CAMSAP3: variants seen among roughly 807,000 people sequenced by gnomAD.
The protein encoded by CAMSAP3 is calmodulin regulated spectrin associated protein family member 3, also known as calmodulin-regulated spectrin-associated protein 3.
In CAMSAP3, 34 loss-of-function variants were observed where a neutral mutation model predicts 112.5. The observed-to-expected ratio is 0.30, with a 90% CI of 0.23 to 0.40. The LOEUF (loss-of-function observed/expected upper bound fraction) is 0.40. Ranked by LOEUF, CAMSAP3 falls within the 10% of genes least tolerant of loss-of-function variation. CAMSAP3 has a pLI of 1.00. For synonymous variants in CAMSAP3, 868 were observed against 799.8 expected, an observed-to-expected ratio of 1.09 and a Z score of -1.44; for missense variants, 1,602 against 1,770.3, an observed-to-expected ratio of 0.90 and a Z score of 1.71.
chr19:7,604,013 T>C (rs2030085536), intron 1 of CAMSAP3, among the ~76,000 whole-genome samples: 1 of 152,040 alleles, frequency 6.6e-6, no homozygotes, highest in African/African-American at 2.4e-5. Flanking sequence ...ATCGCACCTG[T>C]AATCCCAGCT....
In CAMSAP3 at chr19:7,606,463, C is replaced by T; in HGVS notation, c.526-13C>T. On this transcript the variant is annotated splice_polypyrimidine_tract_variant and intron_variant, in intron 3 of 16. Coordinates refer to ENST00000160298, the MANE Select transcript of CAMSAP3 (RefSeq NM_020902.2). ...CCAGTGGCCAGACCACTGACCCCCT[C>T]CCTGCCCTCCAGACCGTCCGGCGGC... 6.2e-7 allele frequency: 1 copy of T among 1,604,976 alleles called. No homozygotes were observed.
chr19:7,614,486 A>G (rs2030679054), intron 11 of CAMSAP3: 1 of 151,558 alleles, frequency 6.6e-6, no homozygotes, highest in African/African-American at 2.4e-5. Context: ...AGCTGGGACT[A>G]CAAGAGCATG....
At chr19:7,614,058 G>GA (rs2030646697) in intron 11 of CAMSAP3, among the ~76,000 whole-genome samples, 1 of 151,880 alleles carries the variant, frequency 6.6e-6, no homozygotes, top group Non-Finnish European at 1.5e-5. Flanking sequence ...TCAGGAGATC[G>GA]AGACCATCCT....
chr19:7,614,185 A>G (rs1278178568), intron 11 of CAMSAP3, among the ~76,000 whole-genome samples: 2 of 134,730 alleles, frequency 1.5e-5, no homozygotes, highest in Non-Finnish European at 3.1e-5. Context: ...GCGTGAACCC[A>G]GGAGGTGGAG....
At position 7,612,710 on chromosome 19, in the gene CAMSAP3, A is replaced by T. The variant is rs765084405; in HGVS notation, c.2217A>T (p.Pro739=). Residue 739 remains proline (P), a synonymous_variant, in exon 11 of 17, where the codon CCA becomes CCT. Transcript: ENST00000160298. ...CCGAGGCCCCCGGATCCGCCCCACC[A>T]CCTGCTGCGTGGGTCATCCCTGGCC... ...APPEAPGSAP[P]PAAWVIPGPT... 1.4e-5 allele frequency: 22 copies of T among 1,524,462 alleles called. No individual in the cohort carries two copies. The Admixed American group carries it at 2.2e-4, about 15-fold the overall frequency. 94.4% of individuals were successfully genotyped at this position (1,524,462 alleles called of 1,614,324 possible).
At position 7,608,121 on chromosome 19, in the gene CAMSAP3, T is replaced by G. The variant is rs2030308617; in HGVS notation, c.622-5T>G. 6.2e-7 allele frequency: 1 copy of G among 1,609,888 alleles called. No individual in the cohort carries two copies. On this transcript the variant is annotated splice_polypyrimidine_tract_variant and splice_region_variant and intron_variant, in intron 4 of 16. Transcript: ENST00000160298. Reference sequence around the variant, plus strand: ...CCACTCACCTGACCTGGCTCCCATCTGCAGATCCGATACCGCAAGGACCGT... The same window carrying G: ...CCACTCACCTGACCTGGCTCCCATCGGCAGATCCGATACCGCAAGGACCGT...
At position 7,617,010 on chromosome 19, in the gene CAMSAP3, G is replaced by A. The variant is rs1358936533; in HGVS notation, c.3213-316G>A. ...GTCGCCCAGGCTGGAGTGCAGTGGCGCAATCTTGGCTCACGGCAACCTCCG... is the reference window on the plus strand; with the variant it reads ...GTCGCCCAGGCTGGAGTGCAGTGGCACAATCTTGGCTCACGGCAACCTCCG... On this transcript the variant is annotated intron_variant, in intron 14 of 16. Transcript: ENST00000160298. The surrounding 1 kb of genome is among the most constrained non-coding windows in gnomAD (Gnocchi z 7.5). Among the ~76,000 whole-genome samples, 15 of 146,216 alleles carry A rather than the reference G, an allele frequency of 1.0e-4. No individual in the cohort carries two copies.
intron 1 of CAMSAP3, among the ~76,000 whole-genome samples, chr19:7,604,528 T>C (rs1000239194): frequency 2.6e-5 from 4 of 151,968 alleles, no homozygotes; most frequent in African/African-American, 9.7e-5. Context: ...CCTGGCTACC[T>C]CCCTCTCTGT....
chr19:7,598,407 C>T (rs1024858465), intron 1 of CAMSAP3, among the ~76,000 whole-genome samples: 1 of 152,014 alleles, frequency 6.6e-6, no homozygotes, highest in Non-Finnish European at 1.5e-5. Flanking sequence ...GTTATGGATC[C>T]AAGGGTACTG....
chr19:7,600,697 C>T (rs1280835569), intron 1 of CAMSAP3, among the ~76,000 whole-genome samples: 3 of 38,664 alleles, frequency 7.8e-5, no homozygotes, highest in Non-Finnish European at 9.5e-5. Flanking sequence ...CATCCATCCA[C>T]CCACCCATCC....
chr19:7,604,485 C>G (rs1487011972), intron 1 of CAMSAP3, among the ~76,000 whole-genome samples: 1 of 152,170 alleles, frequency 6.6e-6, no homozygotes, highest in Non-Finnish European at 1.5e-5. Flanking sequence ...CATTACCCCT[C>G]TCTTCCCTCT....
Position 7,607,738 on chromosome 19 carries a change from A to T in CAMSAP3, c.622-388A>T, listed in dbSNP as rs941018480. On this transcript the variant is annotated intron_variant, in intron 4 of 16. Transcript: ENST00000160298. The surrounding 1 kb of genome is among the most constrained non-coding windows in gnomAD (Gnocchi z 4.9). ...GGGGCTCAGGACCAGGGTCAGGGCT[A>T]CCCCCTCCCCCCCAAGGTGGGCTTG... 58 of 544,848 alleles carry T rather than the reference A, an allele frequency of 1.1e-4. No homozygotes were observed. The Middle Eastern group carries it at 2.6e-3, about 24-fold the overall frequency. 33.8% of individuals were successfully genotyped at this position (544,848 alleles called of 1,614,324 possible).
At position 7,612,456 on chromosome 19, in the gene CAMSAP3, G is replaced by A; in HGVS notation, c.1963G>A (p.Glu655Lys). ...TGGGGAGGCGGAAGCAGAGGCGGAG[G>A]AGGCCGATTCCGGTCCAGTCCCTGG... Reference protein sequence around the residue: ...ASGEAEAEAEEADSGPVPGGE... With the variant: ...ASGEAEAEAEKADSGPVPGGE... The change falls in exon 11 of 17, where the codon GAG becomes AAG. Residue 655 changes from glutamate to lysine, a missense_variant. Physicochemically the swap from Glu to Lys is moderately conservative, Grantham distance 56. Around this residue, in one of 6 missense-constraint regions of CAMSAP3, gnomAD observed 1,100 missense variants for 1,135.7 expected, o/e 0.97. Transcript: ENST00000160298. 1 of 1,579,856 alleles carries A rather than the reference G, an allele frequency of 6.3e-7. No individual in the cohort carries two copies. Among genetic ancestry groups the A allele is most frequent in the Non-Finnish European group, 8.6e-7 (1 of 1,165,444 alleles).
At position 7,608,119 on chromosome 19, in the gene CAMSAP3, T is replaced by C; in HGVS notation, c.622-7T>C. ...GGCCACTCACCTGACCTGGCTCCCA[T>C]CTGCAGATCCGATACCGCAAGGACC... On this transcript the variant is annotated splice_polypyrimidine_tract_variant and splice_region_variant and intron_variant, in intron 4 of 16. Coordinates refer to ENST00000160298, the MANE Select transcript of CAMSAP3 (RefSeq NM_020902.2). The C allele has an allele frequency of 6.2e-7, 1 of 1,609,526 alleles. No homozygotes were observed. The highest frequency in any genetic ancestry group is 8.5e-7 in the Non-Finnish European group (1 of 1,178,660).
At position 7,616,517 on chromosome 19, in the gene CAMSAP3, C is replaced by A; in HGVS notation, c.3113-6C>A. 1 of 1,607,274 alleles carries A rather than the reference C, an allele frequency of 6.2e-7. No homozygotes were observed. The highest frequency in any genetic ancestry group is 1.1e-5 in the South Asian group (1 of 90,938). On this transcript the variant is annotated splice_polypyrimidine_tract_variant and splice_region_variant and intron_variant, in intron 13 of 16. Coordinates refer to ENST00000160298, the MANE Select transcript of CAMSAP3 (RefSeq NM_020902.2). ...GTGGGCACTGACCTGCAATCTCTGT[C>A]CCCAGGCTCTCGGCTGAGCAAAATC...
At chr19:7,606,150 A>AACCCCCCCCCCCCCCCC in intron 2 of CAMSAP3, 121 bp from the exon 3 acceptor site, 7 of 265,232 alleles carry the variant, frequency 2.6e-5, no homozygotes, top group Admixed American at 1.5e-4. Context: ...CGCCCCCTCA[A>AACCCCCCCCCCCCCCCC]GCCCCACCCC....
chr19:7,615,654 C>T lies in CAMSAP3; in HGVS notation c.3047C>T (p.Thr1016Ile). 7.0e-7 allele frequency: 1 copy of T among 1,428,708 alleles called. No individual in the cohort carries two copies. The highest frequency in any genetic ancestry group is 9.1e-7 in the Non-Finnish European group (1 of 1,096,290). The allele number at this position is 1,428,708 out of a possible 1,614,324, so 88.5% of individuals were successfully genotyped here. ...CCAGGTCGGGGCGGGCGGAGGGCCACCCGGCCTCGCTCGGGTTGCTGTGAC... is the reference window on the plus strand; with the variant it reads ...CCAGGTCGGGGCGGGCGGAGGGCCATCCGGCCTCGCTCGGGTTGCTGTGAC... Reference protein sequence around the residue: ...GGPGRGGRRATRPRSGCCDDS... With the variant: ...GGPGRGGRRAIRPRSGCCDDS... The change falls in exon 13 of 17, where the codon ACC becomes ATC. Residue 1016 changes from threonine to isoleucine, a missense_variant. This residue lies in a region of CAMSAP3 where 1,100 missense variants were observed against 1,135.7 expected (regional missense o/e 0.97). Transcript: ENST00000160298. This position sits in a 1 kb window ranked among gnomAD's most constrained non-coding sequence, Gnocchi z 6.5.
chr19:7,597,911 C>T (rs937968447), intron 1 of CAMSAP3, among the ~76,000 whole-genome samples: 7 of 152,182 alleles, frequency 4.6e-5, no homozygotes, highest in South Asian at 2.1e-4. Context: ...TGACACACGG[C>T]AGTGGCTGCC....
In CAMSAP3 at chr19:7,605,488, C is replaced by A; in HGVS notation, c.402+9C>A. ...ACCAGCCCATTCTCATGGTAGGCCC[C>A]GCCACTGCCTGTTAGACCACGCCTA... On this transcript the variant is annotated intron_variant, in intron 2 of 16. Coordinates refer to ENST00000160298, the MANE Select transcript of CAMSAP3 (RefSeq NM_020902.2). The A allele has an allele frequency of 6.9e-7, 1 of 1,453,374 alleles. No individual in the cohort carries two copies. The allele number at this position is 1,453,374 out of a possible 1,614,324, so 90.0% of individuals were successfully genotyped here.
Sources: gnomAD v4.1 joint callset for allele counts (sites outside exome capture counted in the v4.1 genomes callset) on GRCh38, gnomAD v4.1.1 for gene constraint, gnomAD v4.1.1 regional missense constraint, Gnocchi (gnomAD v3.1) non-coding constraint, MANE v1.5 for transcripts, NCBI Gene and HGNC (gene_info 2026-07-23, HGNC 2026-07-21) for gene names.